The following RNF138 variants were observed in gnomAD, a reference collection of about 807,000 sequenced individuals.
RNF138 encodes the protein E3 ubiquitin-protein ligase RNF138.
Under a neutral mutation model 31.0 loss-of-function variants are expected in RNF138, and 12 were observed. That is an observed-to-expected ratio of 0.39 (90% CI 0.25 to 0.63). The LOEUF (loss-of-function observed/expected upper bound fraction) is 0.63. RNF138 is among the 20% of genes least tolerant of loss of function. The probability of loss-of-function intolerance (pLI) is 0.52; values close to 1 mark genes in which losing one functional copy is unlikely to be tolerated. For missense variants in RNF138, 192 were observed against 300.1 expected (o/e 0.64, Z 2.66); for synonymous variants, 105 against 99.5 (o/e 1.06, Z -0.33).
intron 4 of RNF138, among the ~76,000 whole-genome samples, chr18:32,119,773 T>C (rs1430295067): frequency 6.6e-6 from 1 of 152,204 alleles, no homozygotes; most frequent in East Asian, 1.9e-4. Context: ...AGAACATGAG[T>C]AAATGTTTTA....
rs550254819 is a variant in RNF138, at chr18:32,106,855, C to T, written c.111-4899C>T. On this transcript the variant is annotated intron_variant, in intron 2 of 7. Transcript: ENST00000261593. ...TGCTGGTATTACAGGCGTGAGCCAC[C>T]GCGCCCGGCTGAAAAATTATTATTT... Among the ~76,000 whole-genome samples, 29 of 151,808 alleles carry T rather than the reference C, an allele frequency of 1.9e-4. No homozygotes were observed. The East Asian group carries it at 4.7e-3, about 24-fold the overall frequency.
At chr18:32,119,332 T>C (rs2040266476) in intron 4 of RNF138, among the ~76,000 whole-genome samples, 1 of 152,186 alleles carries the variant, frequency 6.6e-6, no homozygotes, top group South Asian at 2.1e-4. Context: ...ACTCTGGGGA[T>C]CAAACAGTCC....
chr18:32,107,902 G>A (rs963972222), intron 2 of RNF138, among the ~76,000 whole-genome samples: 1 of 150,436 alleles, frequency 6.6e-6, no homozygotes, highest in East Asian at 2.0e-4. Flanking sequence ...TCGCTCTGTC[G>A]CCCAGATTGG....
At chr18:32,097,926 G>C (rs1006811222) in intron 2 of RNF138, among the ~76,000 whole-genome samples, 6 of 148,492 alleles carry the variant, frequency 4.0e-5, no homozygotes, top group Admixed American at 6.9e-5. Context: ...GTGTGTGTGT[G>C]TATATGTGTA....
intron 2 of RNF138, among the ~76,000 whole-genome samples, chr18:32,100,264 A>G (rs552177777): frequency 7.5e-4 from 114 of 151,312 alleles, no homozygotes; most frequent in African/African-American, 2.5e-3. Context: ...AAAATTGGAC[A>G]TAAGAGACCT....
At chr18:32,095,771 C>T (rs750316581) in intron 2 of RNF138, among the ~76,000 whole-genome samples, 2 of 152,144 alleles carry the variant, frequency 1.3e-5, no homozygotes, top group Admixed American at 6.6e-5. Flanking sequence ...CCATTCATTC[C>T]CTGAAACTGC....
chr18:32,097,187 CCT>C (rs1239355586), intron 2 of RNF138, among the ~76,000 whole-genome samples: 1 of 152,164 alleles, frequency 6.6e-6, no homozygotes, highest in Non-Finnish European at 1.5e-5. Flanking sequence ...CTCTTGGAAA[CCT>C]CTGTTCTTCC....
chr18:32,127,993 T>C (rs939931120), intron 7 of RNF138, among the ~76,000 whole-genome samples: 1 of 152,138 alleles, frequency 6.6e-6, no homozygotes, highest in African/African-American at 2.4e-5. Flanking sequence ...GGCAGGAGAA[T>C]GGGATGAACC....
chr18:32,119,402 C>T (rs1176088879), intron 4 of RNF138, among the ~76,000 whole-genome samples: 2 of 151,750 alleles, frequency 1.3e-5, no homozygotes, highest in East Asian at 3.9e-4. Flanking sequence ...GGTGCCTGGC[C>T]TCTTTCTCAT....
At chr18:32,092,991 G>A in intron 2 of RNF138, 105 bp downstream of exon 2, 1 of 556,908 alleles carries the variant, frequency 1.8e-6, no homozygotes, top group Non-Finnish European at 3.0e-6. Context: ...GCCCGCCGCG[G>A]CCTGCCCGAG....
intron 4 of RNF138, among the ~76,000 whole-genome samples, chr18:32,117,309 A>G: frequency 6.6e-6 from 1 of 152,158 alleles, no homozygotes; most frequent in East Asian, 1.9e-4. Context: ...GAATTTAGTA[A>G]AGAGACTATT....
intron 2 of RNF138, among the ~76,000 whole-genome samples, chr18:32,108,776 C>T (rs1336749668): frequency 6.6e-6 from 1 of 152,136 alleles, no homozygotes; most frequent in Non-Finnish European, 1.5e-5. Flanking sequence ...TCAAGCAATC[C>T]TCCTGCCTTA....
chr18:32,100,628 A>G (rs1306002362), intron 2 of RNF138, among the ~76,000 whole-genome samples: 3 of 152,062 alleles, frequency 2.0e-5, no homozygotes, highest in Middle Eastern at 6.8e-3. Context: ...GGCATGCGCC[A>G]CCAGGCCTGG....
intron 2 of RNF138, among the ~76,000 whole-genome samples, chr18:32,103,053 T>G (rs1217790301): frequency 2.0e-5 from 3 of 152,240 alleles, no homozygotes; most frequent in Non-Finnish European, 4.4e-5. Context: ...TGTGTATATG[T>G]ATATTTTTGA....
chr18:32,124,600 A>G, intron 5 of RNF138, 134 bp from the exon 6 acceptor site: 1 of 606,078 alleles, frequency 1.6e-6, no homozygotes, highest in Non-Finnish European at 2.9e-6. Flanking sequence ...CATATGTTCA[A>G]AATGAGAGAA....
chr18:32,107,739 G>C (rs533085096), intron 2 of RNF138, among the ~76,000 whole-genome samples: 1 of 148,838 alleles, frequency 6.7e-6, no homozygotes, highest in African/African-American at 2.5e-5. Context: ...GGCTAGTCTC[G>C]AACTCCTGAC....
chr18:32,129,426 G>T lies in RNF138; in HGVS notation c.*239G>T, dbSNP rs2040437576. 1 of 392,856 alleles carries T rather than the reference G, an allele frequency of 2.5e-6. No individual in the cohort carries two copies. Among genetic ancestry groups the T allele is most frequent in the Non-Finnish European group, 4.6e-6 (1 of 217,542 alleles). 24.3% of individuals were successfully genotyped at this position (392,856 alleles called of 1,614,324 possible). ...AAAAAGATGTTTCACTAATGTAACGGTGAAAGAGAATCCCTGTTGTACTTT... is the reference window on the plus strand; with the variant it reads ...AAAAAGATGTTTCACTAATGTAACGTTGAAAGAGAATCCCTGTTGTACTTT... On this transcript the variant is annotated 3_prime_UTR_variant, in exon 8 of 8. Transcript: ENST00000261593.
At chr18:32,120,995 G>A (rs963547612) in intron 4 of RNF138, among the ~76,000 whole-genome samples, 1 of 151,998 alleles carries the variant, frequency 6.6e-6, no homozygotes, top group Non-Finnish European at 1.5e-5. Flanking sequence ...AATTAGCCAG[G>A]CATGGTGGCA....
chr18:32,104,666 A>G (rs1384381243), intron 2 of RNF138, among the ~76,000 whole-genome samples: 2 of 152,234 alleles, frequency 1.3e-5, no homozygotes, highest in Non-Finnish European at 2.9e-5. Context: ...AACGTCACTT[A>G]CAATAGCAAC....
Sources: gnomAD v4.1 joint callset for allele counts (sites outside exome capture counted in the v4.1 genomes callset) on GRCh38, gnomAD v4.1.1 for gene constraint, MANE v1.5 for transcripts, NCBI Gene and HGNC (gene_info 2026-07-23, HGNC 2026-07-21) for gene names.